Variants in TASP1 observed in about 807,000 individuals in gnomAD.
The protein encoded by TASP1 is threonine aspartase 1.
Under a neutral mutation model 56.6 loss-of-function variants are expected in TASP1, and 16 were observed. That is an observed-to-expected ratio of 0.28 (90% CI 0.19 to 0.43). TASP1 has a LOEUF of 0.43. Ranked by LOEUF, TASP1 falls within the 20% of genes least tolerant of loss-of-function variation. The pLI, the probability that TASP1 is intolerant of heterozygous loss-of-function variation, is 1.00. For missense variants in TASP1, 393 were observed against 511.6 expected (o/e 0.77, Z 2.24); for synonymous variants, 179 against 184.2 (o/e 0.97, Z 0.23).
the TASP1 span, among the ~76,000 whole-genome samples, chr20:13,156,609 C>T: frequency 6.6e-6 from 1 of 152,178 alleles, no homozygotes; most frequent in East Asian, 1.9e-4. Flanking sequence ...GATGTCCATA[C>T]AGCATTTGGC....
intron 7 of TASP1, among the ~76,000 whole-genome samples, chr20:13,563,009 G>A (rs1403475674): frequency 2.4e-5 from 3 of 125,356 alleles, no homozygotes; most frequent in African/African-American, 6.0e-5. Flanking sequence ...CACACACATA[G>A]GTGTATATAT....
intron 4 of TASP1, among the ~76,000 whole-genome samples, chr20:13,601,797 C>T (rs1333241934): frequency 2.0e-5 from 3 of 151,420 alleles, no homozygotes; most frequent in Non-Finnish European, 1.5e-5. Context: ...ATAATATGTA[C>T]CCTTGATATC....
chr20:13,225,913 T>C, the TASP1 span, among the ~76,000 whole-genome samples: 1 of 152,202 alleles, frequency 6.6e-6, no homozygotes, highest in South Asian at 2.1e-4. Flanking sequence ...AAAAGTCATC[T>C]GGAAGACAAA....
Position 13,390,150 on chromosome 20 carries a change from G to A in TASP1, c.*210C>T, listed in dbSNP as rs967940714. The A allele has an allele frequency of 5.3e-5, 28 of 523,680 alleles. No homozygotes were observed. The highest frequency in any genetic ancestry group is 1.4e-4 in the South Asian group (7 of 49,024). 32.4% of individuals were successfully genotyped at this position (523,680 alleles called of 1,614,324 possible). On this transcript the variant is annotated 3_prime_UTR_variant, in exon 14 of 14. Transcript: ENST00000337743. ...CACATACACATATGTGCGCACATAC[G>A]CGCACACACTCACACACAGTCCCGC...
the TASP1 span, among the ~76,000 whole-genome samples, chr20:13,377,042 T>C: frequency 3.9e-5 from 6 of 152,256 alleles, no homozygotes; most frequent in African/African-American, 9.6e-5. Context: ...TGACTTCCTC[T>C]CTTCCTATTT....
the TASP1 span, chr20:13,110,171 C>T: frequency 3.4e-5 from 55 of 1,613,618 alleles, no homozygotes; most frequent in South Asian, 3.2e-4. Flanking sequence ...GCCTCGAACC[C>T]GCAGAGCTTG....
At chr20:13,590,275 G>C (rs1229865568) in intron 4 of TASP1, among the ~76,000 whole-genome samples, 1 of 151,986 alleles carries the variant, frequency 6.6e-6, no homozygotes, top group African/African-American at 2.4e-5. Context: ...TTTGTCATCA[G>C]GAAAAGGCAA....
At chr20:13,263,830 G>T in the TASP1 span, among the ~76,000 whole-genome samples, 1 of 152,192 alleles carries the variant, frequency 6.6e-6, no homozygotes, top group African/African-American at 2.4e-5. Context: ...TAACTATATT[G>T]TTAGTTTGTT....
At chr20:13,209,762 A>AT in the TASP1 span, among the ~76,000 whole-genome samples, 1 of 152,214 alleles carries the variant, frequency 6.6e-6, no homozygotes, top group African/African-American at 2.4e-5. Context: ...TCAAAATAGC[A>AT]TTTTTTAGAA....
chr20:13,531,856 G>C (rs2045233567), intron 9 of TASP1, among the ~76,000 whole-genome samples: 1 of 152,184 alleles, frequency 6.6e-6, no homozygotes, highest in South Asian at 2.1e-4. Flanking sequence ...GTAGAGATGG[G>C]TGTCACCATG....
chr20:13,416,611 T>C (rs144992223), intron 13 of TASP1, among the ~76,000 whole-genome samples: 2 of 152,334 alleles, frequency 1.3e-5, no homozygotes, highest in African/African-American at 4.8e-5. Context: ...TTTTCCTATT[T>C]TATATGTCAA....
At chr20:13,111,947 C>T in the TASP1 span, among the ~76,000 whole-genome samples, 6 of 152,278 alleles carry the variant, frequency 3.9e-5, no homozygotes, top group Middle Eastern at 3.4e-3. Flanking sequence ...CCATGCCAGG[C>T]GCCTGCATCC....
the TASP1 span, among the ~76,000 whole-genome samples, chr20:13,350,169 A>G: frequency 3.9e-5 from 6 of 152,114 alleles, no homozygotes; most frequent in Admixed American, 6.6e-5. Context: ...AGATGTAATT[A>G]TGTATACATT....
At chr20:13,364,907 G>A in the TASP1 span, among the ~76,000 whole-genome samples, 1 of 152,004 alleles carries the variant, frequency 6.6e-6, no homozygotes, top group Non-Finnish European at 1.5e-5. Flanking sequence ...CCACGAATAT[G>A]CTCCATTGAA....
the TASP1 span, among the ~76,000 whole-genome samples, chr20:13,229,576 T>G: frequency 4.6e-5 from 7 of 152,346 alleles, no homozygotes; most frequent in South Asian, 1.2e-3. Context: ...TCAATGGACA[T>G]TTGGTTTGTT....
intron 4 of TASP1, among the ~76,000 whole-genome samples, chr20:13,609,646 C>T (rs1297108096): frequency 6.8e-6 from 1 of 147,646 alleles, no homozygotes; most frequent in Non-Finnish European, 1.5e-5. Context: ...TGAGACGGCG[C>T]CATTGCTCCA....
At chr20:13,246,507 T>G in the TASP1 span, among the ~76,000 whole-genome samples, 137 of 152,308 alleles carry the variant, frequency 9.0e-4, 1 homozygote, top group African/African-American at 3.2e-3. Context: ...GTGTAGCTAC[T>G]TGCATATGGA....
chr20:13,207,624 C>A, the TASP1 span, among the ~76,000 whole-genome samples: 3 of 152,130 alleles, frequency 2.0e-5, no homozygotes, highest in Admixed American at 6.5e-5. Flanking sequence ...GACTGATATC[C>A]CAAGTCAATC....
chr20:13,546,189 TAAA>T (rs35738872), intron 8 of TASP1, among the ~76,000 whole-genome samples: 1 of 148,340 alleles, frequency 6.7e-6, no homozygotes, highest in Non-Finnish European at 1.5e-5. Context: ...GGCCAAAGGT[TAAA>T]AAAAAAAGGA....
Sources: gnomAD v4.1 joint callset for allele counts (sites outside exome capture counted in the v4.1 genomes callset) on GRCh38, gnomAD v4.1.1 for gene constraint, MANE v1.5 for transcripts, NCBI Gene and HGNC (gene_info 2026-07-23, HGNC 2026-07-21) for gene names.